Variants in PRUNE2 observed in about 807,000 individuals in gnomAD.
PRUNE2 encodes prune homolog 2 with BCH domain.
A neutral mutation model predicts 252.0 loss-of-function variants in PRUNE2; 164 were observed. The ratio of observed to expected loss-of-function variants is 0.65; its 90% CI spans 0.57 to 0.74. The LOEUF is 0.74. PRUNE2 is among the 30% of genes least tolerant of loss of function. PRUNE2 has a pLI of 0.00. For synonymous variants in PRUNE2, 1,292 were observed against 1,350.2 expected (o/e 0.96, Z 0.94); for missense variants, 3,495 against 3,711.0 (o/e 0.94, Z 1.51).
At chr9:76,809,068 C>G (rs889304588) in intron 6 of PRUNE2, 1 of 152,316 alleles carries the variant, frequency 6.6e-6, no homozygotes, top group Non-Finnish European at 1.5e-5. Context: ...ACCACCCCCT[C>G]CTTCACAACA....
chr9:76,769,518 C>T (rs570931739), intron 6 of PRUNE2, among the ~76,000 whole-genome samples: 1 of 152,114 alleles, frequency 6.6e-6, no homozygotes. Flanking sequence ...CTCCGCCCCC[C>T]GGGTTCAAGT....
In PRUNE2 at chr9:76,707,275, G is replaced by A. The variant is rs762566969; in HGVS notation, c.4999C>T (p.His1667Tyr). 12 of 1,613,766 alleles carry A rather than the reference G, an allele frequency of 7.4e-6. No individual in the cohort carries two copies. The East Asian group carries it at 2.7e-4, about 36-fold the overall frequency. ...LIASYQEKNE[H>Y]DISATVQPED... is the part of the protein sequence containing the mutation. Reference sequence around the variant, plus strand: ...GGCTGCACAGTTGCAGAAATGTCATGTTCATTTTTCTCCTGGTAGCTAGCA... The same window carrying A: ...GGCTGCACAGTTGCAGAAATGTCATATTCATTTTTCTCCTGGTAGCTAGCA... Residue 1667 changes from histidine to tyrosine, a missense_variant, in exon 8 of 19, where the codon CAT becomes TAT. Physicochemically the swap from His to Tyr is moderately conservative, Grantham distance 83. Transcript: ENST00000376718.
chr9:76,816,502 G>A (rs976096253), intron 6 of PRUNE2, among the ~76,000 whole-genome samples: 3 of 152,034 alleles, frequency 2.0e-5, no homozygotes, highest in Admixed American at 6.6e-5. Context: ...GGAATTATCC[G>A]TTCTAAATTA....
chr9:76,889,700 C>T lies in PRUNE2; in HGVS notation c.36+16228G>A, dbSNP rs939352158. Reference sequence around the variant, plus strand: ...CAGACGCGGCACATCAGGCGTCTCACCACAATGTGATTGCAGCAAGGCCAC... The same window carrying T: ...CAGACGCGGCACATCAGGCGTCTCATCACAATGTGATTGCAGCAAGGCCAC... On this transcript the variant is annotated intron_variant, in intron 1 of 18. Coordinates refer to ENST00000376718, the MANE Select transcript of PRUNE2 (RefSeq NM_015225.3). Among the ~76,000 whole-genome samples, 5 of 152,188 alleles carry T rather than the reference C, an allele frequency of 3.3e-5. No individual in the cohort carries two copies. The South Asian group carries it at 8.3e-4, about 25-fold the overall frequency.
At chr9:76,825,458 A>G (rs2058291510) in intron 5 of PRUNE2, among the ~76,000 whole-genome samples, 1 of 152,054 alleles carries the variant, frequency 6.6e-6, no homozygotes, top group Non-Finnish European at 1.5e-5. Flanking sequence ...CCATTCCCCT[A>G]TCAGTGTTGA....
Position 76,705,535 on chromosome 9 carries a change from C to A in PRUNE2, c.6739G>T (p.Asp2247Tyr), listed in dbSNP as rs1464655647. 6.8e-6 allele frequency: 11 copies of A among 1,614,044 alleles called. No homozygotes were observed. Among genetic ancestry groups the A allele is most frequent in the Non-Finnish European group, 9.3e-6 (11 of 1,179,898 alleles). ...VTHQEPTPEG[D>Y]GSWISDSFSP... is the part of the protein sequence containing the mutation. The stretch of plus-strand genomic sequence containing the variant: ...AAGCTGTCTGATATCCAAGAACCGT[C>A]ACCTTCTGGAGTTGGCTCTTGGTGA... The change falls in exon 8 of 19, where the codon GAC (aspartate) becomes TAC (tyrosine). Residue 2247 changes from aspartate (D) to tyrosine (Y), a missense_variant. Physicochemically the swap from Asp to Tyr is radical, Grantham distance 160. Transcript: ENST00000376718.
chr9:76,840,373 C>A (rs979961498), intron 4 of PRUNE2, among the ~76,000 whole-genome samples: 2 of 152,150 alleles, frequency 1.3e-5, no homozygotes, highest in Admixed American at 6.5e-5. Flanking sequence ...CTTGGCCCAC[C>A]TGAAATCCAT....
Position 76,895,629 on chromosome 9 carries a change from CCT to C in PRUNE2, c.36+10297_36+10298del, listed in dbSNP as rs369732572. On this transcript the variant is annotated intron_variant, in intron 1 of 18. Transcript: ENST00000376718. ...CACTAAATTTAAATGATCTTTTCCC[CCT>C]GATTCTTTAGGGTCATTACTATGAG... 1.6e-4 allele frequency among the ~76,000 whole-genome samples: 24 copies of C among 152,184 alleles called. No homozygotes were observed. In the South Asian group the frequency reaches 4.8e-3, roughly 30 times the overall value.
intron 6 of PRUNE2, among the ~76,000 whole-genome samples, chr9:76,723,456 GC>G (rs1255703143): frequency 6.6e-6 from 1 of 152,194 alleles, no homozygotes; most frequent in African/African-American, 2.4e-5. Flanking sequence ...AATTAGAATT[GC>G]CAGAGGGGAG....
rs374194312 is a variant in PRUNE2, at chr9:76,826,634, G to A, written c.607C>T (p.Pro203Ser). 4 of 1,612,548 alleles carry A rather than the reference G, an allele frequency of 2.5e-6. No homozygotes were observed. Among genetic ancestry groups the A allele is most frequent in the Non-Finnish European group, 3.4e-6 (4 of 1,179,040 alleles). ...ACGTTGATGATGTCCTCTCTTGGAG[G>A]CAAGTTAGGAAATTTTTCTTCCAGG... is the stretch of plus-strand genomic sequence containing the variant. Reference protein sequence around the residue: ...SILEEKFPNLPPREDIINVLQ... With the variant: ...SILEEKFPNLSPREDIINVLQ... Residue 203 changes from proline to serine, a missense_variant, in exon 5 of 19, where the codon CCT becomes TCT. Transcript: ENST00000376718.
chr9:76,678,561 G>A (rs980162906), intron 9 of PRUNE2, among the ~76,000 whole-genome samples: 32 of 152,282 alleles, frequency 2.1e-4, no homozygotes, highest in Non-Finnish European at 1.0e-4. Flanking sequence ...CGGGCACGGC[G>A]GCACACGCCT....
At position 76,846,600 on chromosome 9, in the gene PRUNE2, T is replaced by C. The variant is rs1478956300; in HGVS notation, c.423A>G (p.Arg141=). 6.2e-7 allele frequency: 1 copy of C among 1,613,994 alleles called. No individual in the cohort carries two copies. Among genetic ancestry groups the C allele is most frequent in the East Asian group, 2.2e-5 (1 of 44,894 alleles). ...TTAGCACGAGAGAAGAGGAAGACTCTCGGAACTCAACGTTGGCATCGCTCT... is the reference window on the plus strand; with the variant it reads ...TTAGCACGAGAGAAGAGGAAGACTCCCGGAACTCAACGTTGGCATCGCTCT... ...VEQSDANVEF[R]ESSSSLVLKE... is the part of the protein sequence containing the mutation. The change falls in exon 4 of 19, where the codon CGA becomes CGG. Residue 141 remains arginine, a synonymous_variant. Transcript: ENST00000376718.
chr9:76,621,591 T>C (rs1021410851), intron 17 of PRUNE2, among the ~76,000 whole-genome samples: 12 of 152,212 alleles, frequency 7.9e-5, no homozygotes, highest in African/African-American at 2.7e-4. Context: ...CTGATTATTT[T>C]TATTTGGCCC....
intron 4 of PRUNE2, among the ~76,000 whole-genome samples, chr9:76,845,823 G>A (rs1233992018): frequency 1.3e-5 from 2 of 152,188 alleles, no homozygotes; most frequent in African/African-American, 4.8e-5. Flanking sequence ...AGTGTCCTCT[G>A]TAAGTCAATA....
At chr9:76,654,780 T>G (rs1848615906) in intron 10 of PRUNE2, among the ~76,000 whole-genome samples, 1 of 152,166 alleles carries the variant, frequency 6.6e-6, no homozygotes, top group South Asian at 2.1e-4. Context: ...AGAATGCATT[T>G]CAAATACTAC....
intron 9 of PRUNE2, chr9:76,691,913 A>G (rs2044780327): frequency 3.3e-6 from 2 of 602,954 alleles, no homozygotes; most frequent in Admixed American, 3.0e-5. Flanking sequence ...GGCAGCTGTC[A>G]GTTGCAAGGG....
intron 6 of PRUNE2, among the ~76,000 whole-genome samples, chr9:76,805,996 A>G (rs1411894897): frequency 6.6e-6 from 1 of 152,226 alleles, no homozygotes; most frequent in East Asian, 1.9e-4. Context: ...CTGGGAACAT[A>G]GTAGGTACTC....
chr9:76,632,262 C>T (rs1837982556), intron 15 of PRUNE2, among the ~76,000 whole-genome samples: 1 of 152,156 alleles, frequency 6.6e-6, no homozygotes, highest in African/African-American at 2.4e-5. Context: ...TTGCCATATA[C>T]CTCTATCATA....
chr9:76,873,288 C>T (rs1390639473), intron 1 of PRUNE2, among the ~76,000 whole-genome samples: 1 of 152,094 alleles, frequency 6.6e-6, no homozygotes, highest in Non-Finnish European at 1.5e-5. Flanking sequence ...ATTAATTACG[C>T]AATTTTTTCC....
Sources: gnomAD v4.1 joint callset for allele counts (sites outside exome capture counted in the v4.1 genomes callset) on GRCh38, gnomAD v4.1.1 for gene constraint, MANE v1.5 for transcripts, NCBI Gene and HGNC (gene_info 2026-07-23, HGNC 2026-07-21) for gene names.